GPHN: variants seen among roughly 807,000 people sequenced by gnomAD.
The protein encoded by GPHN is gephyrin.
In GPHN, 17 loss-of-function variants were observed where a neutral mutation model predicts 95.5. The ratio of observed to expected loss-of-function variants is 0.18; its 90% CI spans 0.12 to 0.27. The LOEUF is 0.27. Ranked by LOEUF, GPHN falls within the 10% of genes least tolerant of loss-of-function variation. The probability of loss-of-function intolerance (pLI) is 1.00; values close to 1 mark genes in which losing one functional copy is unlikely to be tolerated. For synonymous variants in GPHN, 320 were observed against 322.5 expected, an observed-to-expected ratio of 0.99 and a Z score of 0.08; for missense variants, 660 against 978.1, an observed-to-expected ratio of 0.67 and a Z score of 4.34.
At chr14:66,602,244 G>A (rs1240542321) in intron 1 of GPHN, among the ~76,000 whole-genome samples, 5 of 151,916 alleles carry the variant, frequency 3.3e-5, no homozygotes, top group Admixed American at 1.3e-4. Flanking sequence ...TTTATTTTCA[G>A]TGCAACACTG....
At chr14:67,239,585 G>A in the GPHN span, among the ~76,000 whole-genome samples, 1 of 152,206 alleles carries the variant, frequency 6.6e-6, no homozygotes, top group South Asian at 2.1e-4. Flanking sequence ...GCGGGGCACG[G>A]TTGCTCACGC....
intron 1 of GPHN, among the ~76,000 whole-genome samples, chr14:66,517,582 G>A (rs543897436): frequency 5.5e-4 from 83 of 152,286 alleles, no homozygotes; most frequent in African/African-American, 1.9e-3. Flanking sequence ...TGGTACTGGT[G>A]TAAAAACAGA....
chr14:67,204,950 C>T, the GPHN span: 6 of 1,608,006 alleles, frequency 3.7e-6, no homozygotes, highest in African/African-American at 4.0e-5. Flanking sequence ...CCAGAGGTCC[C>T]GGATGTAAGA....
At chr14:66,705,899 T>C (rs1029376981) in intron 2 of GPHN, among the ~76,000 whole-genome samples, 3 of 152,132 alleles carry the variant, frequency 2.0e-5, no homozygotes, top group African/African-American at 7.2e-5. Context: ...CAATATGATT[T>C]TGTGTTTAGA....
the GPHN span, among the ~76,000 whole-genome samples, chr14:67,367,030 G>A: frequency 3.2e-4 from 48 of 152,122 alleles, no homozygotes; most frequent in Admixed American, 1.6e-3. Context: ...GAAAGGAGGC[G>A]GCAGGCACAA....
At chr14:67,015,306 AAAC>A (rs2073240929) in intron 9 of GPHN, among the ~76,000 whole-genome samples, 1 of 152,206 alleles carries the variant, frequency 6.6e-6, no homozygotes, top group Admixed American at 6.5e-5. Context: ...AACAGTGGGA[AAAC>A]ATTTAAGAAT....
At chr14:67,011,964 C>T (rs547792772) in intron 9 of GPHN, among the ~76,000 whole-genome samples, 2 of 152,068 alleles carry the variant, frequency 1.3e-5, no homozygotes, top group African/African-American at 4.8e-5. Context: ...TACCTCTATA[C>T]TAGAAATATA....
the GPHN span, among the ~76,000 whole-genome samples, chr14:67,331,184 A>T: frequency 1.3e-5 from 2 of 152,170 alleles, no homozygotes; most frequent in Non-Finnish European, 2.9e-5. Flanking sequence ...AGCTGGGATT[A>T]CAGATGTGCA....
chr14:67,347,913 CTTCTT>C, the GPHN span, among the ~76,000 whole-genome samples: 7 of 114,274 alleles, frequency 6.1e-5, no homozygotes, highest in South Asian at 1.8e-3. Flanking sequence ...AGGAACTTGC[CTTCTT>C]TTTTTTTTTT....
the GPHN span, chr14:67,332,778 A>C: frequency 6.2e-7 from 1 of 1,604,044 alleles, no homozygotes; most frequent in Non-Finnish European, 8.5e-7. Flanking sequence ...TTCTGTTTGC[A>C]GCCTGAAGAG....
At chr14:67,520,068 G>C in the GPHN span, among the ~76,000 whole-genome samples, 1 of 152,134 alleles carries the variant, frequency 6.6e-6, no homozygotes, top group Non-Finnish European at 1.5e-5. Context: ...GCAAAATTGA[G>C]AAGAAAGTAC....
At chr14:67,648,337 A>T in the GPHN span, 4 of 791,450 alleles carry the variant, frequency 5.1e-6, no homozygotes, top group Admixed American at 3.2e-5. Flanking sequence ...CATGCTAATA[A>T]AAAGGATATA....
At chr14:67,445,726 A>G in the GPHN span, among the ~76,000 whole-genome samples, 1 of 151,790 alleles carries the variant, frequency 6.6e-6, no homozygotes, top group Non-Finnish European at 1.5e-5. Context: ...CTGGTACTAC[A>G]GATGAGTGCC....
the GPHN span, among the ~76,000 whole-genome samples, chr14:67,721,707 A>G: frequency 6.7e-6 from 1 of 149,702 alleles, no homozygotes; most frequent in South Asian, 2.1e-4. Context: ...TTTTCCACCA[A>G]TGTAATAATT....
At chr14:67,611,799 A>T in the GPHN span, among the ~76,000 whole-genome samples, 1 of 152,174 alleles carries the variant, frequency 6.6e-6, no homozygotes, top group Admixed American at 6.5e-5. Context: ...TTTTGGGATG[A>T]CTTAAGTGCA....
intron 3 of GPHN, among the ~76,000 whole-genome samples, chr14:66,791,217 G>A (rs575111264): frequency 1.1e-4 from 17 of 152,212 alleles, no homozygotes; most frequent in South Asian, 8.3e-4. Context: ...ACTGAAAGTC[G>A]GCCAATCAGT....
chr14:67,039,251 G>A (rs982837684), intron 10 of GPHN, among the ~76,000 whole-genome samples: 3 of 151,992 alleles, frequency 2.0e-5, no homozygotes, highest in African/African-American at 7.2e-5. Flanking sequence ...TTGTAATTTT[G>A]TTCATATTTT....
chr14:66,785,182 A>T (rs1360492054), intron 3 of GPHN, among the ~76,000 whole-genome samples: 1 of 152,194 alleles, frequency 6.6e-6, no homozygotes, highest in African/African-American at 2.4e-5. Flanking sequence ...AGCCTGGCCA[A>T]CATGGTGAAA....
chr14:67,203,231 T>C, the GPHN span: 1 of 1,612,868 alleles, frequency 6.2e-7, no homozygotes, highest in South Asian at 1.1e-5. Flanking sequence ...CCCAAAAAGA[T>C]ACAGAAACCC....
Sources: gnomAD v4.1 joint callset for allele counts (sites outside exome capture counted in the v4.1 genomes callset) on GRCh38, gnomAD v4.1.1 for gene constraint, MANE v1.5 for transcripts, NCBI Gene and HGNC (gene_info 2026-07-23, HGNC 2026-07-21) for gene names.